RPH3AL: variants seen among roughly 807,000 people sequenced by gnomAD.
The protein encoded by RPH3AL is rabphilin 3A like (without C2 domains).
Under a neutral mutation model 43.1 loss-of-function variants are expected in RPH3AL, and 38 were observed. That is an observed-to-expected ratio of 0.88 (90% CI 0.68 to 1.15). The LOEUF (loss-of-function observed/expected upper bound fraction) is 1.15. RPH3AL is among the 50% of genes most tolerant of loss of function. RPH3AL has a pLI of 0.00. For synonymous variants in RPH3AL, 189 were observed against 176.3 expected (o/e 1.07, Z -0.57); for missense variants, 462 against 423.2 (o/e 1.09, Z -0.81).
intron 7 of RPH3AL, among the ~76,000 whole-genome samples, chr17:239,718 C>A (rs531228389): frequency 1.3e-5 from 2 of 152,290 alleles, no homozygotes; most frequent in South Asian, 4.1e-4. Flanking sequence ...CTTCAAGCTC[C>A]TGGGCTCAAG....
chr17:256,308 C>A, intron 6 of RPH3AL, among the ~76,000 whole-genome samples: 1 of 41,082 alleles, frequency 2.4e-5, no homozygotes, highest in Non-Finnish European at 7.0e-5. Flanking sequence ...CTACGTACTT[C>A]CTATGAGGGG....
At chr17:263,522 G>A (rs782425639) in intron 6 of RPH3AL, among the ~76,000 whole-genome samples, 17 of 152,216 alleles carry the variant, frequency 1.1e-4, no homozygotes, top group South Asian at 2.1e-4. Flanking sequence ...TAGCTCTTCC[G>A]AACAATTTGA....
Position 322,746 on chromosome 17 carries a change from T to A in RPH3AL, c.78-1331A>T, listed in dbSNP as rs4985585. Among the ~76,000 whole-genome samples, 52,214 of 151,550 alleles carry A rather than the reference T, an allele frequency of 0.34. 9,504 individuals are homozygous for A. Among genetic ancestry groups the A allele is most frequent in the East Asian group, 0.45 (2,318 of 5,102 alleles). On this transcript the variant is annotated intron_variant, in intron 3 of 9. Transcript: ENST00000331302. This position sits in a 1 kb window ranked among gnomAD's most constrained non-coding sequence, Gnocchi z 4.0. ...CAAGATGGGCCCCGGTGGTCTCATG[T>A]CCTGCCTGGTCCCGGCTGTTGCAGC...
intron 7 of RPH3AL, among the ~76,000 whole-genome samples, chr17:231,154 G>C (rs1281279926): frequency 6.6e-6 from 1 of 152,126 alleles, no homozygotes; most frequent in Non-Finnish European, 1.5e-5. Flanking sequence ...GCATCTCTGG[G>C]CCTCCATCTC....
At chr17:332,722 G>C in intron 2 of RPH3AL, 2 of 272,708 alleles carry the variant, frequency 7.3e-6, no homozygotes, top group South Asian at 7.9e-5. Context: ...TCGGCCTCAA[G>C]GCAGCTCCAC....
intron 5 of RPH3AL, among the ~76,000 whole-genome samples, chr17:304,740 C>A (rs897364381): frequency 6.6e-6 from 1 of 152,084 alleles, no homozygotes; most frequent in African/African-American, 2.4e-5. Context: ...ATTTTCATGC[C>A]ACGTGACACT....
intron 1 of RPH3AL, among the ~76,000 whole-genome samples, chr17:337,943 G>A (rs546241952): frequency 6.6e-5 from 10 of 152,320 alleles, no homozygotes; most frequent in African/African-American, 1.7e-4. Flanking sequence ...ATCTGACGCT[G>A]TTCTCATTCC....
chr17:316,028 C>T (rs1555520099), intron 5 of RPH3AL, among the ~76,000 whole-genome samples: 1 of 152,048 alleles, frequency 6.6e-6, no homozygotes, highest in Non-Finnish European at 1.5e-5. Flanking sequence ...GTGCCCCCAC[C>T]TCCATTGACC....
At chr17:221,982 G>A (rs35388870) in intron 7 of RPH3AL, among the ~76,000 whole-genome samples, 130 of 43,770 alleles carry the variant, frequency 3.0e-3, no homozygotes, top group African/African-American at 4.6e-3. Context: ...AGACCCAAGC[G>A]CATCAGCTCT....
chr17:292,724 C>T (rs575414557), intron 5 of RPH3AL, among the ~76,000 whole-genome samples: 2 of 152,310 alleles, frequency 1.3e-5, no homozygotes, highest in Admixed American at 1.3e-4. Flanking sequence ...CCTGGGCCCT[C>T]TCCTCTTCCA....
intron 7 of RPH3AL, among the ~76,000 whole-genome samples, chr17:228,792 C>A (rs1031988266): frequency 6.6e-6 from 1 of 152,154 alleles, no homozygotes; most frequent in Admixed American, 6.6e-5. Flanking sequence ...CCTCTCCAGG[C>A]GGCCAGTCCC....
intron 5 of RPH3AL, among the ~76,000 whole-genome samples, chr17:308,499 C>T (rs984685815): frequency 2.0e-5 from 3 of 152,218 alleles, no homozygotes; most frequent in Non-Finnish European, 2.9e-5. Context: ...TTTGCACGCT[C>T]GTGCCCACTG....
chr17:345,981 T>C (rs2045231813), intron 1 of RPH3AL, among the ~76,000 whole-genome samples: 1 of 133,618 alleles, frequency 7.5e-6, no homozygotes, highest in Admixed American at 7.2e-5. Context: ...ATGGGGGAGG[T>C]GAAAGGTTTG....
chr17:277,877 C>G (rs1217032601), intron 6 of RPH3AL, among the ~76,000 whole-genome samples: 6 of 152,108 alleles, frequency 3.9e-5, no homozygotes, highest in African/African-American at 7.2e-5. Context: ...GTTGTTTGAG[C>G]CCTGAAGGCA....
Position 225,162 on chromosome 17 carries a change from T to C in RPH3AL, c.614-5426A>G, listed in dbSNP as rs2041080914. 6.7e-6 allele frequency among the ~76,000 whole-genome samples: 1 copy of C among 150,114 alleles called. No homozygotes were observed. Among genetic ancestry groups the C allele is most frequent in the South Asian group, 2.1e-4 (1 of 4,744 alleles). On this transcript the variant is annotated intron_variant, in intron 7 of 9. Transcript: ENST00000331302. The surrounding 1 kb of genome is among the most constrained non-coding windows in gnomAD (Gnocchi z 4.4). ...TGAGCATGGGATCAGGCCTGGCCTCTCCTTCCTCCATCTGCTCAGAGGCTC... is the reference window on the plus strand; with the variant it reads ...TGAGCATGGGATCAGGCCTGGCCTCCCCTTCCTCCATCTGCTCAGAGGCTC...
chr17:321,198 G>A (rs75863718), intron 4 of RPH3AL, 74 bp downstream of exon 4: 116,480 of 1,519,644 alleles, frequency 0.077, 5,214 homozygotes, highest in African/African-American at 0.17. Flanking sequence ...CCGGAGTGCC[G>A]GCCTCCCAGT....
chr17:258,016 T>TCCGTCCC (rs2042101863), intron 6 of RPH3AL, among the ~76,000 whole-genome samples: 2 of 152,150 alleles, frequency 1.3e-5, no homozygotes, highest in Non-Finnish European at 1.5e-5. Context: ...TCTGTCCTTT[T>TCCGTCCC]TTGGCTGCTT....
At chr17:240,055 T>C (rs953817745) in intron 7 of RPH3AL, among the ~76,000 whole-genome samples, 3 of 152,114 alleles carry the variant, frequency 2.0e-5, no homozygotes, top group African/African-American at 7.2e-5. Flanking sequence ...CTGACCAACA[T>C]GGAGAAACCC....
chr17:296,762 T>C (rs1013807968), intron 5 of RPH3AL, among the ~76,000 whole-genome samples: 8 of 152,010 alleles, frequency 5.3e-5, no homozygotes, highest in Admixed American at 2.0e-4. Flanking sequence ...TCAAGTCACA[T>C]ATGAAAAAAA....
Sources: gnomAD v4.1 joint callset for allele counts (sites outside exome capture counted in the v4.1 genomes callset) on GRCh38, gnomAD v4.1.1 for gene constraint, Gnocchi (gnomAD v3.1) non-coding constraint, MANE v1.5 for transcripts, NCBI Gene and HGNC (gene_info 2026-07-23, HGNC 2026-07-21) for gene names.